Variants in LINGO2 observed in about 807,000 individuals in gnomAD.
The protein encoded by LINGO2 is leucine-rich repeat and immunoglobulin-like domain-containing nogo receptor-interacting protein 2.
In LINGO2, 14 loss-of-function variants were observed where a neutral mutation model predicts 30.6. That is an observed-to-expected ratio of 0.46 (90% CI 0.30 to 0.72). The LOEUF is 0.72. Among genes scored for constraint, LINGO2 ranks in the 30% least tolerant of loss-of-function variants. The pLI is 0.07. For synonymous variants in LINGO2, 317 were observed against 288.5 expected, an observed-to-expected ratio of 1.10 and a Z score of -1.00; for missense variants, 729 against 751.7, an observed-to-expected ratio of 0.97 and a Z score of 0.35.
At chr9:28,182,014 T>TA (rs1276524438) in intron 4 of LINGO2, among the ~76,000 whole-genome samples, 6 of 150,514 alleles carry the variant, frequency 4.0e-5, no homozygotes, top group South Asian at 4.2e-4. Flanking sequence ...AAGACAACCC[T>TA]AAAAAAAAAG....
At chr9:28,780,196 C>A in the LINGO2 span, among the ~76,000 whole-genome samples, 3 of 152,136 alleles carry the variant, frequency 2.0e-5, no homozygotes, top group South Asian at 6.2e-4. Flanking sequence ...AGAATGTTGC[C>A]ACTGGAATCA....
intron 4 of LINGO2, among the ~76,000 whole-genome samples, chr9:28,106,210 G>A (rs956122370): frequency 6.6e-6 from 1 of 152,040 alleles, no homozygotes; most frequent in African/African-American, 2.4e-5. Context: ...TCAGTCCCTG[G>A]TGCCAAAAAG....
chr9:27,982,967 G>A (rs149836391), intron 5 of LINGO2, among the ~76,000 whole-genome samples: 91 of 151,756 alleles, frequency 6.0e-4, no homozygotes, highest in African/African-American at 1.7e-3. Flanking sequence ...CACACAATAC[G>A]TACTCTGTCT....
At chr9:29,002,381 T>C in the LINGO2 span, among the ~76,000 whole-genome samples, 1 of 152,192 alleles carries the variant, frequency 6.6e-6, no homozygotes, top group South Asian at 2.1e-4. Flanking sequence ...GACATATGAA[T>C]AGCACATACA....
At chr9:28,556,594 G>T (rs1345666453) in intron 1 of LINGO2, among the ~76,000 whole-genome samples, 4 of 152,052 alleles carry the variant, frequency 2.6e-5, no homozygotes, top group Non-Finnish European at 5.9e-5. Context: ...CAGATTCAAT[G>T]CCATCCCCAT....
In LINGO2 at chr9:28,056,369, T is replaced by C. The variant is rs181995669; in HGVS notation, c.-86-43964A>G. On this transcript the variant is annotated intron_variant, in intron 4 of 5. Transcript: ENST00000379992. ...TTTACTCGTACAGCCTCCAGTGGTATATTCAGTAGATCACGACCCTCATTC... is the reference window on the plus strand; with the variant it reads ...TTTACTCGTACAGCCTCCAGTGGTACATTCAGTAGATCACGACCCTCATTC... Among the ~76,000 whole-genome samples, 126 of 152,286 alleles carry C rather than the reference T, an allele frequency of 8.3e-4. 2 individuals carry two copies. The highest frequency in any genetic ancestry group is 2.9e-3 in the African/African-American group (121 of 41,576).
chr9:29,134,987 G>A, the LINGO2 span, among the ~76,000 whole-genome samples: 1 of 151,874 alleles, frequency 6.6e-6, no homozygotes, highest in East Asian at 1.9e-4. Flanking sequence ...TAATCTGTCT[G>A]TGTTTGATAG....
the LINGO2 span, among the ~76,000 whole-genome samples, chr9:28,853,874 G>T: frequency 6.6e-6 from 1 of 151,798 alleles, no homozygotes; most frequent in Non-Finnish European, 1.5e-5. Context: ...TTTGGGAGGT[G>T]ACACAGAGCG....
chr9:29,075,840 G>A, the LINGO2 span, among the ~76,000 whole-genome samples: 4 of 152,040 alleles, frequency 2.6e-5, no homozygotes, highest in Non-Finnish European at 5.9e-5. Context: ...TTAATGCAGT[G>A]GTAGTGGTAA....
chr9:28,861,237 A>T, the LINGO2 span, among the ~76,000 whole-genome samples: 1 of 112,668 alleles, frequency 8.9e-6, no homozygotes, highest in African/African-American at 3.7e-5. Context: ...AATATATAAT[A>T]TATATTTTTT....
At chr9:29,014,477 T>C in the LINGO2 span, among the ~76,000 whole-genome samples, 1 of 152,078 alleles carries the variant, frequency 6.6e-6, no homozygotes, top group African/African-American at 2.4e-5. Flanking sequence ...CACTTTTAGA[T>C]GTATCAACTC....
the LINGO2 span, among the ~76,000 whole-genome samples, chr9:29,188,473 C>T: frequency 0.011 from 1,630 of 152,248 alleles, 37 homozygotes; most frequent in African/African-American, 0.037. Context: ...CCACCTTTCC[C>T]GCCTTTCTAT....
chr9:28,599,184 T>C (rs1825348369), intron 1 of LINGO2: 1 of 152,156 alleles, frequency 6.6e-6, no homozygotes, highest in African/African-American at 2.4e-5. Context: ...CCCTAAACCA[T>C]GGTCTCTGCC....
the LINGO2 span, among the ~76,000 whole-genome samples, chr9:28,992,164 G>C: frequency 6.6e-6 from 1 of 151,754 alleles, no homozygotes; most frequent in African/African-American, 2.4e-5. Context: ...TAAAAGGATG[G>C]AGGAAGATCT....
the LINGO2 span, among the ~76,000 whole-genome samples, chr9:28,969,598 G>A: frequency 6.6e-6 from 1 of 152,148 alleles, no homozygotes; most frequent in East Asian, 1.9e-4. Context: ...AACCAGTCAG[G>A]AAGTGGCTCT....
intron 4 of LINGO2, among the ~76,000 whole-genome samples, chr9:28,095,759 C>T (rs1265806250): frequency 1.3e-5 from 2 of 152,150 alleles, no homozygotes; most frequent in African/African-American, 4.8e-5. Flanking sequence ...AAACTACCAT[C>T]AGACTGAACA....
At chr9:28,846,057 C>CA in the LINGO2 span, among the ~76,000 whole-genome samples, 1 of 151,502 alleles carries the variant, frequency 6.6e-6, no homozygotes, top group Non-Finnish European at 1.5e-5. Context: ...GAAATAATGA[C>CA]AAAACACTGG....
intron 4 of LINGO2, among the ~76,000 whole-genome samples, chr9:28,047,063 A>G (rs1327724453): frequency 6.6e-6 from 1 of 152,104 alleles, no homozygotes; most frequent in South Asian, 2.1e-4. Flanking sequence ...AGGGAACCCA[A>G]ACAATCCCCA....
chr9:28,890,577 G>T, the LINGO2 span, among the ~76,000 whole-genome samples: 2 of 152,072 alleles, frequency 1.3e-5, no homozygotes, highest in East Asian at 3.9e-4. Context: ...GAGGAGTTTG[G>T]AGGACAATGG....
Sources: allele counts gnomAD v4.1 joint callset (sites outside exome capture counted in the v4.1 genomes callset), GRCh38; gene constraint gnomAD v4.1.1; transcripts MANE v1.5; gene names NCBI Gene and HGNC (gene_info 2026-07-23, HGNC 2026-07-21).